Variants in ATRN observed in about 807,000 individuals in gnomAD.
The protein encoded by ATRN is attractin-2.
ATRN carries 54 observed loss-of-function variants against 178.7 expected under a neutral mutation model. The ratio of observed to expected loss-of-function variants is 0.30; its 90% confidence interval spans 0.24 to 0.38. The LOEUF (loss-of-function observed/expected upper bound fraction) is 0.38. ATRN is among the 10% of genes least tolerant of loss of function. The probability of loss-of-function intolerance (pLI) is 1.00; values close to 1 mark genes in which losing one functional copy is unlikely to be tolerated. For missense variants in ATRN, 1,443 were observed against 1,815.1 expected (o/e 0.79, Z 3.73); for synonymous variants, 636 against 663.0 (o/e 0.96, Z 0.63).
rs200880496 is a variant in ATRN, at chr20:3,519,737, TGAAAA to T, written c.411-15500_411-15496del. ...ATCTGTATCTCCACAACTATTGAAA[TGAAAA>T]GAAAAGAAAAGAAAAAGGAAACGGA... is the stretch of plus-strand genomic sequence containing the variant. On this transcript the variant is annotated intron_variant, in intron 1 of 28. Coordinates refer to ENST00000262919, the MANE Select transcript of ATRN (RefSeq NM_139321.3). Among the ~76,000 whole-genome samples, 1,428 of 151,478 alleles carry T rather than the reference TGAAAA, an allele frequency of 9.4e-3. 70 individuals are homozygous for T. The highest frequency in any genetic ancestry group is 0.077 in the Admixed American group (1,166 of 15,208).
chr20:3,546,460 C>T (rs886230102), intron 4 of ATRN, among the ~76,000 whole-genome samples: 24 of 142,516 alleles, frequency 1.7e-4, no homozygotes, highest in East Asian at 2.2e-4. Flanking sequence ...GGCATGATCT[C>T]GGATCACTGC....
At chr20:3,542,934 C>A (rs1007261037) in intron 3 of ATRN, among the ~76,000 whole-genome samples, 1 of 151,930 alleles carries the variant, frequency 6.6e-6, no homozygotes, top group Admixed American at 6.6e-5. Context: ...CCACTGCACC[C>A]GGCCGAAGAT....
chr20:3,622,118 T>A (rs1352804979), intron 24 of ATRN, among the ~76,000 whole-genome samples: 2 of 152,208 alleles, frequency 1.3e-5, no homozygotes, highest in African/African-American at 4.8e-5. Flanking sequence ...GGGGTGTGGC[T>A]TCAGTTGTGC....
chr20:3,644,524 G>A (rs577543573), intron 28 of ATRN, among the ~76,000 whole-genome samples: 7 of 152,300 alleles, frequency 4.6e-5, no homozygotes, highest in Admixed American at 2.6e-4. Context: ...CTCAGTGCTC[G>A]TGGATGCCTC....
chr20:3,630,838 A>G, intron 25 of ATRN, among the ~76,000 whole-genome samples: 1 of 148,072 alleles, frequency 6.8e-6, no homozygotes, highest in Non-Finnish European at 1.5e-5. Flanking sequence ...TTTAGCTAAG[A>G]ATAGAGTTAC....
chr20:3,526,407 A>G (rs943863655), intron 1 of ATRN, among the ~76,000 whole-genome samples: 1 of 152,180 alleles, frequency 6.6e-6, no homozygotes, highest in African/African-American at 2.4e-5. Context: ...GACCTCTTCA[A>G]GAACTACAAA....
intron 5 of ATRN, among the ~76,000 whole-genome samples, chr20:3,548,221 C>T (rs991211559): frequency 3.3e-5 from 5 of 152,128 alleles, no homozygotes; most frequent in Non-Finnish European, 5.9e-5. Context: ...GTCTAGTTAT[C>T]AAACTTATTC....
chr20:3,585,047 C>T (rs1431319451), intron 18 of ATRN, among the ~76,000 whole-genome samples, 167 bp downstream of exon 18: 2 of 152,272 alleles, frequency 1.3e-5, no homozygotes, highest in East Asian at 3.9e-4. Context: ...CAAGGCCTGA[C>T]CTGGACCTGC....
At chr20:3,538,694 A>G (rs1216788174) in intron 2 of ATRN, among the ~76,000 whole-genome samples, 3 of 151,932 alleles carry the variant, frequency 2.0e-5, no homozygotes, top group African/African-American at 2.4e-5. Flanking sequence ...TGTCTCCCCA[A>G]TCCATCACCA....
rs527311229 is a variant in ATRN, at chr20:3,476,539, A to G, written c.410+5022A>G. Among the ~76,000 whole-genome samples the G allele has an allele frequency of 9.2e-5, 14 of 152,372 alleles. No individual in the cohort carries two copies. The East Asian group carries it at 2.7e-3, about 29-fold the overall frequency. On this transcript the variant is annotated intron_variant, in intron 1 of 28. Transcript: ENST00000262919. ...AGTCTCTCTGGCTGACGATCTGAGG[A>G]CATAAATACCTTTTTAACTAATGAA...
At chr20:3,635,473 T>A (rs1270532848) in intron 26 of ATRN, among the ~76,000 whole-genome samples, 1 of 152,230 alleles carries the variant, frequency 6.6e-6, no homozygotes, top group Non-Finnish European at 1.5e-5. Flanking sequence ...ATCATTACTT[T>A]GCCTTTCATT....
chr20:3,474,579 C>T (rs957005492), intron 1 of ATRN, among the ~76,000 whole-genome samples: 10 of 151,686 alleles, frequency 6.6e-5, no homozygotes, highest in African/African-American at 9.7e-5. Context: ...TGGTGGCGGG[C>T]ACCTGTAGTC....
At chr20:3,596,534 AC>A in intron 21 of ATRN, 105 bp downstream of exon 21, 1 of 1,035,700 alleles carries the variant, frequency 9.7e-7, no homozygotes, top group South Asian at 1.4e-5. Context: ...TATAGCAGCC[AC>A]CAATGAAGTG....
chr20:3,575,572 A>C (rs2086197648), intron 12 of ATRN, among the ~76,000 whole-genome samples: 1 of 152,182 alleles, frequency 6.6e-6, no homozygotes, highest in African/African-American at 2.4e-5. Flanking sequence ...CTTTCATTAT[A>C]TCTTACAGTT....
chr20:3,513,798 A>G (rs1219403402), intron 1 of ATRN, among the ~76,000 whole-genome samples: 1 of 152,116 alleles, frequency 6.6e-6, no homozygotes, highest in East Asian at 1.9e-4. Flanking sequence ...CTCCTTGAAG[A>G]GGTCCTTCAC....
At chr20:3,508,646 C>CT (rs1220986598) in intron 1 of ATRN, among the ~76,000 whole-genome samples, 1 of 152,096 alleles carries the variant, frequency 6.6e-6, no homozygotes. Flanking sequence ...AAGGGAGTTC[C>CT]GTAAGCAGAG....
In ATRN at chr20:3,638,081, G is replaced by A. The variant is rs113340163; in HGVS notation, c.3943-747G>A. ...CATTTTATGTATTTGACAAGTCGAC[G>A]TCATAGCATTAAATCCACAGTACTT... On this transcript the variant is annotated intron_variant, in intron 26 of 28. Coordinates refer to ENST00000262919, the MANE Select transcript of ATRN (RefSeq NM_139321.3). The surrounding 1 kb of genome is among the most constrained non-coding windows in gnomAD (Gnocchi z 4.5). Among the ~76,000 whole-genome samples the A allele has an allele frequency of 2.0e-4, 30 of 152,276 alleles. No homozygotes were observed. The highest frequency in any genetic ancestry group is 6.7e-4 in the African/African-American group (28 of 41,556).
intron 1 of ATRN, among the ~76,000 whole-genome samples, chr20:3,494,325 A>T (rs1600027931): frequency 6.6e-6 from 1 of 152,128 alleles, no homozygotes; most frequent in Admixed American, 6.6e-5. Context: ...TTGGGGTTGG[A>T]TTGTCACAGA....
intron 1 of ATRN, among the ~76,000 whole-genome samples, chr20:3,503,156 C>T (rs930349036): frequency 6.6e-6 from 1 of 152,118 alleles, no homozygotes; most frequent in Admixed American, 6.6e-5. Flanking sequence ...CTAAATAACA[C>T]TGCAAAGGCT....
Sources: allele counts gnomAD v4.1 joint callset (sites outside exome capture counted in the v4.1 genomes callset), GRCh38; gene constraint gnomAD v4.1.1; non-coding constraint Gnocchi (gnomAD v3.1); transcripts MANE v1.5; gene names NCBI Gene and HGNC (gene_info 2026-07-23, HGNC 2026-07-21).